Variants in SAMD5 observed in about 807,000 individuals in gnomAD.
The protein encoded by SAMD5 is sterile alpha motif domain containing 5, also known as sterile alpha motif domain-containing protein 5.
In SAMD5, 13 loss-of-function variants were observed where a neutral mutation model predicts 11.3. The ratio of observed to expected loss-of-function variants is 1.15; its 90% CI spans 0.75 to 1.83. The LOEUF (loss-of-function observed/expected upper bound fraction) is 1.83. Among genes scored for constraint, SAMD5 ranks in the 40% most tolerant of loss-of-function variants. The pLI is 0.00. For synonymous variants in SAMD5, 129 were observed against 111.3 expected (o/e 1.16, Z -1.00); for missense variants, 255 against 239.1 (o/e 1.07, Z -0.44).
the SAMD5 span, among the ~76,000 whole-genome samples, chr6:147,954,522 T>C: frequency 6.6e-6 from 1 of 152,194 alleles, no homozygotes; most frequent in Admixed American, 6.5e-5. Context: ...TATGGGAGTG[T>C]ACGCTAATGT....
At chr6:147,623,651 T>C (rs962145392) in intron 1 of SAMD5, among the ~76,000 whole-genome samples, 6 of 152,190 alleles carry the variant, frequency 3.9e-5, no homozygotes, top group African/African-American at 1.2e-4. Flanking sequence ...CAAAGTATAT[T>C]GCAGAAAAAT....
chr6:147,936,825 G>C, the SAMD5 span, among the ~76,000 whole-genome samples: 1 of 152,094 alleles, frequency 6.6e-6, no homozygotes, highest in Non-Finnish European at 1.5e-5. Flanking sequence ...AAAGAAGTTT[G>C]CAGGAAATTT....
At chr6:147,623,935 T>A (rs1790010199) in intron 1 of SAMD5, among the ~76,000 whole-genome samples, 1 of 152,186 alleles carries the variant, frequency 6.6e-6, no homozygotes, top group Non-Finnish European at 1.5e-5. Flanking sequence ...AGTGGTGCCA[T>A]CTCTGCTCAC....
chr6:147,950,135 C>T, the SAMD5 span, among the ~76,000 whole-genome samples: 7 of 152,162 alleles, frequency 4.6e-5, no homozygotes, highest in South Asian at 2.1e-4. Flanking sequence ...GAAATTTTCA[C>T]GCAGTTAGCC....
At chr6:147,884,818 A>G in the SAMD5 span, among the ~76,000 whole-genome samples, 3 of 152,186 alleles carry the variant, frequency 2.0e-5, no homozygotes. Flanking sequence ...ATTGAATGAC[A>G]GCACCTAAAT....
intron 1 of SAMD5, among the ~76,000 whole-genome samples, chr6:147,630,630 A>G (rs1177075126): frequency 6.8e-6 from 1 of 147,522 alleles, no homozygotes; most frequent in Non-Finnish European, 1.5e-5. Flanking sequence ...AAACAGCCCC[A>G]CCCCTATCTC....
chr6:147,704,391 G>T (rs1583146694), intron 1 of SAMD5, among the ~76,000 whole-genome samples: 1 of 152,024 alleles, frequency 6.6e-6, no homozygotes, highest in Admixed American at 6.6e-5. Flanking sequence ...ATTAAATTAT[G>T]TTCTTCACTC....
chr6:147,822,405 C>T, the SAMD5 span, among the ~76,000 whole-genome samples: 1 of 152,044 alleles, frequency 6.6e-6, no homozygotes, highest in African/African-American at 2.4e-5. Context: ...TAATAGATCA[C>T]CTCAAAATAT....
intron 1 of SAMD5, among the ~76,000 whole-genome samples, chr6:147,714,799 A>G (rs980942215): frequency 6.6e-6 from 1 of 152,106 alleles, no homozygotes; most frequent in African/African-American, 2.4e-5. Context: ...AAAACGAATG[A>G]CTTAGGTGGT....
chr6:147,911,779 C>A, the SAMD5 span, among the ~76,000 whole-genome samples: 1 of 152,204 alleles, frequency 6.6e-6, no homozygotes, highest in Non-Finnish European at 1.5e-5. Flanking sequence ...ATCTGTGGGT[C>A]AGCTGAGTAG....
At chr6:147,898,869 T>C in the SAMD5 span, among the ~76,000 whole-genome samples, 1 of 152,014 alleles carries the variant, frequency 6.6e-6, no homozygotes, top group Admixed American at 6.6e-5. Flanking sequence ...TGATTGATGA[T>C]TGTGAAAATC....
At chr6:147,509,754 G>A (rs1788059360) in intron 1 of SAMD5, among the ~76,000 whole-genome samples, 1 of 152,126 alleles carries the variant, frequency 6.6e-6, no homozygotes, top group African/African-American at 2.4e-5. Context: ...AGAAAAAATG[G>A]TTAATACCTA....
At chr6:147,912,730 T>C in the SAMD5 span, among the ~76,000 whole-genome samples, 1 of 152,062 alleles carries the variant, frequency 6.6e-6, no homozygotes. Context: ...TGGATTACTA[T>C]GCAGCTGGAA....
intron 1 of SAMD5, among the ~76,000 whole-genome samples, chr6:147,621,948 C>T (rs182431180): frequency 7.9e-5 from 12 of 152,240 alleles, no homozygotes; most frequent in African/African-American, 1.2e-4. Context: ...CATATCTGAA[C>T]GGATAAAATG....
chr6:147,939,225 AT>A, the SAMD5 span, among the ~76,000 whole-genome samples: 1 of 152,070 alleles, frequency 6.6e-6, no homozygotes. Flanking sequence ...CATCACCTCC[AT>A]GTGTTCACTG....
the SAMD5 span, among the ~76,000 whole-genome samples, chr6:147,795,606 G>A: frequency 1.3e-5 from 2 of 150,958 alleles, no homozygotes; most frequent in Non-Finnish European, 2.9e-5. Flanking sequence ...GGGTCAAATG[G>A]TATTTCTAGT....
chr6:147,891,810 G>A, the SAMD5 span, among the ~76,000 whole-genome samples: 2 of 151,964 alleles, frequency 1.3e-5, no homozygotes, highest in African/African-American at 4.8e-5. Context: ...CCTAGAGCTT[G>A]GCAGGAAAGC....
chr6:147,742,679 A>G, the SAMD5 span, among the ~76,000 whole-genome samples: 1 of 152,190 alleles, frequency 6.6e-6, no homozygotes, highest in African/African-American at 2.4e-5. Flanking sequence ...AGAACTAACG[A>G]AGTTGGACAG....
chr6:147,550,323 A>G (rs1284718805), intron 1 of SAMD5, among the ~76,000 whole-genome samples: 2 of 152,200 alleles, frequency 1.3e-5, no homozygotes, highest in African/African-American at 4.8e-5. Flanking sequence ...AATTAGTACA[A>G]TCTCTATGGA....
Sources: gnomAD v4.1 joint callset for allele counts (sites outside exome capture counted in the v4.1 genomes callset) on GRCh38, gnomAD v4.1.1 for gene constraint, MANE v1.5 for transcripts, NCBI Gene and HGNC (gene_info 2026-07-23, HGNC 2026-07-21) for gene names.